Variants in CDS2 observed in about 807,000 individuals in gnomAD.
CDS2 encodes phosphatidate cytidylyltransferase 2.
CDS2 carries 47 observed loss-of-function variants against 59.0 expected under a neutral mutation model. The ratio of observed to expected loss-of-function variants is 0.80; its 90% CI spans 0.63 to 1.02. The LOEUF is 1.02. Among genes scored for constraint, CDS2 ranks in the 50% least tolerant of loss-of-function variants. CDS2 has a pLI of 0.00. For synonymous variants in CDS2, 207 were observed against 206.4 expected, an observed-to-expected ratio of 1.00 and a Z score of -0.02; for missense variants, 356 against 558.9, an observed-to-expected ratio of 0.64 and a Z score of 3.66.
intron 1 of CDS2, among the ~76,000 whole-genome samples, chr20:5,130,156 G>C (rs1335057306): frequency 6.6e-6 from 1 of 151,796 alleles, no homozygotes; most frequent in Non-Finnish European, 1.5e-5. Context: ...TGTGTTTTTA[G>C]TAGAGACGAG....
At chr20:5,182,943 C>G in intron 6 of CDS2, 118 bp from the exon 7 acceptor site, 1 of 775,316 alleles carries the variant, frequency 1.3e-6, no homozygotes, top group Non-Finnish European at 2.2e-6. Context: ...AAGTCAGATA[C>G]AAAAGCAGAT....
intron 1 of CDS2, chr20:5,128,020 G>A (rs1338018962): frequency 2.0e-5 from 3 of 152,248 alleles, no homozygotes; most frequent in Non-Finnish European, 4.4e-5. Flanking sequence ...AGGGAGCCTG[G>A]ACCAGACTGA....
rs1173057923 is a variant in CDS2, at chr20:5,192,650, T to C, written c.*2416T>C. 2 of 152,190 alleles carry C rather than the reference T, an allele frequency of 1.3e-5. No homozygotes were observed. The highest frequency in any genetic ancestry group is 2.9e-5 in the Non-Finnish European group (2 of 68,024). 9.4% of individuals were successfully genotyped at this position (152,190 alleles called of 1,614,324 possible). On this transcript the variant is annotated 3_prime_UTR_variant, in exon 13 of 13. Coordinates refer to ENST00000460006, the MANE Select transcript of CDS2 (RefSeq NM_003818.4). ...TTTTTTTTATTGGTCAGAAATAAAA[T>C]GTGACTGCAACTGTGTGCCCTCCCT...
In CDS2 at chr20:5,192,291, C is replaced by T. The variant is rs994529345; in HGVS notation, c.*2057C>T. The T allele has an allele frequency of 2.0e-5, 3 of 147,430 alleles. No individual in the cohort carries two copies. Among genetic ancestry groups the T allele is most frequent in the South Asian group, 2.2e-4 (1 of 4,624 alleles). The allele number at this position is 147,430 out of a possible 1,614,324, so 9.1% of individuals were successfully genotyped here. A position where few individuals can be genotyped will look rare whatever the true frequency, so the allele number is the denominator to read the frequency against. ...AGGGCTGCCTTTGGGATCAGGGAGC[C>T]GAGCATACTGGGCAAGGCTCATCAT... On this transcript the variant is annotated 3_prime_UTR_variant, in exon 13 of 13. Transcript: ENST00000460006.
chr20:5,135,847 C>T (rs1426142263), intron 1 of CDS2, among the ~76,000 whole-genome samples: 1 of 152,176 alleles, frequency 6.6e-6, no homozygotes, highest in Non-Finnish European at 1.5e-5. Context: ...TTTCTCCCGC[C>T]TGCCTCTCCC....
At position 5,193,422 on chromosome 20, in the gene CDS2, G is replaced by T. The variant is rs1435982737; in HGVS notation, c.*3188G>T. ...TTTTGACTTTACACAGGTGGACTTT[G>T]AATCCATTTTTATAGAATTTTTTTC... On this transcript the variant is annotated 3_prime_UTR_variant, in exon 13 of 13. Transcript: ENST00000460006. 1 of 152,174 alleles carries T rather than the reference G, an allele frequency of 6.6e-6. No individual in the cohort carries two copies. Among genetic ancestry groups the T allele is most frequent in the African/African-American group, 2.4e-5 (1 of 41,446 alleles). 9.4% of individuals were successfully genotyped at this position (152,174 alleles called of 1,614,324 possible). A position where few individuals can be genotyped will look rare whatever the true frequency, so the allele number is the denominator to read the frequency against.
chr20:5,168,066 A>G (rs2090925575), intron 1 of CDS2, among the ~76,000 whole-genome samples: 1 of 152,050 alleles, frequency 6.6e-6, no homozygotes, highest in East Asian at 1.9e-4. Context: ...TATGAACAGA[A>G]TATTAATATG....
intron 1 of CDS2, among the ~76,000 whole-genome samples, chr20:5,142,252 C>A (rs1172382857): frequency 6.6e-6 from 1 of 151,974 alleles, no homozygotes; most frequent in Non-Finnish European, 1.5e-5. Flanking sequence ...TTTGAGACCA[C>A]CCTGGCCAGC....
Position 5,182,401 on chromosome 20 carries a change from G to A in CDS2, c.544G>A (p.Val182Ile), listed in dbSNP as rs1304702289. Residue 182 changes from valine to isoleucine, a missense_variant, in exon 6 of 13, where the codon GTA (valine) becomes ATA (isoleucine). Val to Ile is a conservative substitution (Grantham distance 29, BLOSUM62 3). Around this residue, in one of 5 missense-constraint regions of CDS2, gnomAD observed 87 missense variants for 193.3 expected, o/e 0.45. Coordinates refer to ENST00000460006, the MANE Select transcript of CDS2 (RefSeq NM_003818.4). ...TLYLIGFCMF[V>I]LSLVKKHYRL... ...CCTCAAACTAGGATTCTGCATGTTTGTACTGAGTCTGGTCAAGAAGCATTA... is the reference window on the plus strand; with the variant it reads ...CCTCAAACTAGGATTCTGCATGTTTATACTGAGTCTGGTCAAGAAGCATTA... The A allele has an allele frequency of 6.2e-7, 1 of 1,611,194 alleles. No homozygotes were observed. The highest frequency in any genetic ancestry group is 8.5e-7 in the Non-Finnish European group (1 of 1,178,640).
chr20:5,131,696 G>A (rs1414912048), intron 1 of CDS2, among the ~76,000 whole-genome samples: 1 of 152,246 alleles, frequency 6.6e-6, no homozygotes, highest in South Asian at 2.1e-4. Context: ...AAGATAGCGT[G>A]TAAGAGCAGG....
At chr20:5,182,559 G>A in intron 6 of CDS2, 114 bp downstream of exon 6, 1 of 875,826 alleles carries the variant, frequency 1.1e-6, no homozygotes, top group South Asian at 1.6e-5. Flanking sequence ...AACATGGTCT[G>A]ATATGTATGC....
chr20:5,163,507 C>T (rs1389889057), intron 1 of CDS2, among the ~76,000 whole-genome samples: 6 of 150,734 alleles, frequency 4.0e-5, no homozygotes, highest in African/African-American at 9.7e-5. Context: ...GTGATCCACC[C>T]GCCTCGGCCT....
intron 1 of CDS2, among the ~76,000 whole-genome samples, chr20:5,169,063 G>A (rs916129563): frequency 5.9e-5 from 9 of 152,208 alleles, no homozygotes; most frequent in African/African-American, 2.2e-4. Context: ...ACCAAAAGGG[G>A]TGGACCCTCA....
intron 4 of CDS2, among the ~76,000 whole-genome samples, chr20:5,178,055 T>C (rs1276289427): frequency 1.3e-5 from 2 of 152,210 alleles, no homozygotes; most frequent in Non-Finnish European, 2.9e-5. Context: ...GGATCCTTGC[T>C]GGGGGTTTGC....
At chr20:5,167,542 A>G (rs188684349) in intron 1 of CDS2, among the ~76,000 whole-genome samples, 1,886 of 152,266 alleles carry the variant, frequency 0.012, 44 homozygotes, top group African/African-American at 0.041. Flanking sequence ...AGATATATGT[A>G]TATATATGTA....
chr20:5,145,236 A>ACCC (rs796723724), intron 1 of CDS2, among the ~76,000 whole-genome samples: 666 of 51,902 alleles, frequency 0.013, 10 homozygotes, highest in South Asian at 0.036. Flanking sequence ...GAAAGGAAAG[A>ACCC]CCCCCCCCCC....
intron 1 of CDS2, among the ~76,000 whole-genome samples, chr20:5,132,162 T>TG: frequency 6.6e-6 from 1 of 152,060 alleles, no homozygotes; most frequent in South Asian, 2.1e-4. Flanking sequence ...CATTGATGTG[T>TG]TCTTGGCTCA....
At chr20:5,170,634 G>A (rs1322858135) in intron 1 of CDS2, among the ~76,000 whole-genome samples, 2 of 152,248 alleles carry the variant, frequency 1.3e-5, no homozygotes, top group African/African-American at 4.8e-5. Flanking sequence ...GTGGGAGAGA[G>A]TGGTCTGTAG....
At chr20:5,169,706 A>G (rs1389538489) in intron 1 of CDS2, among the ~76,000 whole-genome samples, 1 of 152,234 alleles carries the variant, frequency 6.6e-6, no homozygotes, top group African/African-American at 2.4e-5. Flanking sequence ...GTAAGTAGAG[A>G]TGAGTTCTAA....
Sources: allele counts gnomAD v4.1 joint callset (sites outside exome capture counted in the v4.1 genomes callset), GRCh38; gene constraint gnomAD v4.1.1; regional missense constraint gnomAD v4.1.1; transcripts MANE v1.5; gene names NCBI Gene and HGNC (gene_info 2026-07-23, HGNC 2026-07-21).